MCM9: variants seen among roughly 807,000 people sequenced by gnomAD.
The protein encoded by MCM9 is minichromosome maintenance 9 homologous recombination repair factor, also known as DNA helicase MCM9.
Under a neutral mutation model 72.8 loss-of-function variants are expected in MCM9, and 55 were observed. The observed-to-expected ratio is 0.76, with a 90% CI of 0.61 to 0.95. The LOEUF is 0.95. Among genes scored for constraint, MCM9 ranks in the 40% least tolerant of loss-of-function variants. The pLI is 0.00. For missense variants in MCM9, 1,279 were observed against 1,377.0 expected (o/e 0.93, Z 1.13); for synonymous variants, 480 against 503.4 (o/e 0.95, Z 0.62).
chr6:118,826,418 T>C lies in MCM9; in HGVS notation c.1816-126A>G, dbSNP rs887986815. On this transcript the variant is annotated intron_variant, in intron 12 of 13. Transcript: ENST00000619706. The stretch of plus-strand genomic sequence containing the variant: ...TACACCCCTATACTGGGTATGAAAA[T>C]CACTTGGGAGGCTTTTTCAACTTTC... 13 of 965,182 alleles carry C rather than the reference T, an allele frequency of 1.3e-5. No individual in the cohort carries two copies. The African/African-American group carries it at 2.2e-4, about 16-fold the overall frequency. 59.8% of individuals were successfully genotyped at this position (965,182 alleles called of 1,614,324 possible). A position where few individuals can be genotyped will look rare whatever the true frequency, so the allele number is the denominator to read the frequency against.
chr6:118,845,121 C>T (rs934315991), intron 9 of MCM9, among the ~76,000 whole-genome samples: 3 of 151,700 alleles, frequency 2.0e-5, no homozygotes, highest in Non-Finnish European at 4.4e-5. Context: ...GCATTTGAAA[C>T]GGAGACAGGA....
In MCM9 at chr6:118,913,310, C is replaced by G; in HGVS notation, c.1015G>C (p.Gly339Arg). 6.2e-7 allele frequency: 1 copy of G among 1,614,108 alleles called. No homozygotes were observed. Among genetic ancestry groups the G allele is most frequent in the Non-Finnish European group, 8.5e-7 (1 of 1,180,002 alleles). ...AGGIQRTDATGTRVRGESHLL... is the reference protein window; with the variant it reads ...AGGIQRTDATRTRVRGESHLL... ...AGGTACTAACCTCTGACCCGTGTTCCTGTAGCATCAGTCCTTTGAATCCCA... is the reference window on the plus strand; with the variant it reads ...AGGTACTAACCTCTGACCCGTGTTCGTGTAGCATCAGTCCTTTGAATCCCA... Residue 339 changes from glycine to arginine, a missense_variant, in exon 7 of 14, where the codon GGA (glycine) becomes CGA (arginine). By Grantham distance (125) the Gly-to-Arg change is moderately radical. Coordinates refer to ENST00000619706, the MANE Select transcript of MCM9 (RefSeq NM_017696.3).
At chr6:118,900,286 GATT>G (rs1334778302) in intron 8 of MCM9, among the ~76,000 whole-genome samples, 4 of 152,180 alleles carry the variant, frequency 2.6e-5, no homozygotes, top group African/African-American at 9.7e-5. Flanking sequence ...GGAGCTCTGT[GATT>G]ATTTGGATCT....
chr6:118,900,504 C>T (rs1779737067), intron 8 of MCM9, among the ~76,000 whole-genome samples: 1 of 152,204 alleles, frequency 6.6e-6, no homozygotes, highest in Admixed American at 6.5e-5. Flanking sequence ...TACAGCATTT[C>T]CCAAGTGTTT....
In MCM9 at chr6:118,856,490, T is replaced by G. The variant is rs1010662945; in HGVS notation, c.1206A>C (p.Ala402=). The part of the protein sequence containing the change: ...DSGEWNLEAG[A]LVLADAGLCC... Reference sequence around the variant, plus strand: ...AAAGGCCCGCATCTGCAAGAACTAATGCCCCAGCCTCCAAATTCCATTCTC... The same window carrying G: ...AAAGGCCCGCATCTGCAAGAACTAAGGCCCCAGCCTCCAAATTCCATTCTC... The change falls in exon 9 of 14, where the codon GCA becomes GCC. Residue 402 remains alanine (A), a synonymous_variant. Transcript: ENST00000619706. The G allele has an allele frequency of 6.5e-7, 1 of 1,535,538 alleles. No individual in the cohort carries two copies. Among genetic ancestry groups the G allele is most frequent in the Non-Finnish European group, 8.7e-7 (1 of 1,146,888 alleles).
chr6:118,833,899 T>G (rs535749599), intron 9 of MCM9, among the ~76,000 whole-genome samples: 2 of 152,296 alleles, frequency 1.3e-5, no homozygotes, highest in South Asian at 4.1e-4. Flanking sequence ...TATTATACCT[T>G]AAGTTCTGGG....
At position 118,934,942 on chromosome 6, in the gene MCM9, CAG is replaced by C. The variant is rs200254101; in HGVS notation, c.-203_-202del. The stretch of plus-strand genomic sequence containing the variant: ...GCGTTGCTCCCGAGGCCGAAGGGCC[CAG>C]AGAGCTCCAGCCAGGCAGCGGGTTC... On this transcript the variant is annotated 5_prime_UTR_variant, in exon 1 of 14. Transcript: ENST00000619706. 582 of 152,352 alleles carry C rather than the reference CAG, an allele frequency of 3.8e-3. 5 individuals carry two copies. Among genetic ancestry groups the C allele is most frequent in the African/African-American group, 0.013 (555 of 41,588 alleles). 9.4% of individuals were successfully genotyped at this position (152,352 alleles called of 1,614,324 possible). A position where few individuals can be genotyped will look rare whatever the true frequency, so the allele number is the denominator to read the frequency against.
chr6:118,844,622 G>A (rs1469471494), intron 9 of MCM9, among the ~76,000 whole-genome samples: 1 of 151,752 alleles, frequency 6.6e-6, no homozygotes, highest in African/African-American at 2.4e-5. Context: ...GATCTTGGCA[G>A]AAACTGTAAA....
chr6:118,863,218 A>G (rs2114255434), intron 8 of MCM9, among the ~76,000 whole-genome samples: 2 of 152,340 alleles, frequency 1.3e-5, no homozygotes, highest in South Asian at 4.1e-4. Context: ...AGTGAAATGA[A>G]TGAGATGAAA....
intron 9 of MCM9, among the ~76,000 whole-genome samples, chr6:118,836,799 A>C (rs1774989745): frequency 6.6e-6 from 1 of 152,004 alleles, no homozygotes; most frequent in African/African-American, 2.4e-5. Context: ...GAGCTCCTCG[A>C]TTCACTGATT....
At chr6:118,839,049 T>C (rs1291765282) in intron 9 of MCM9, among the ~76,000 whole-genome samples, 1 of 152,192 alleles carries the variant, frequency 6.6e-6, no homozygotes, top group Non-Finnish European at 1.5e-5. Flanking sequence ...CCCTGTCACT[T>C]TCAGGTACAC....
At chr6:118,843,657 T>TATATATATATACAC (rs1378043575) in intron 9 of MCM9, among the ~76,000 whole-genome samples, 2 of 33,848 alleles carry the variant, frequency 5.9e-5, no homozygotes, top group African/African-American at 2.2e-4. Context: ...TATATATATG[T>TATATATATATACAC]GTATATATAT....
chr6:118,883,025 G>C (rs1463050978), intron 8 of MCM9, among the ~76,000 whole-genome samples: 2 of 149,260 alleles, frequency 1.3e-5, no homozygotes, highest in Non-Finnish European at 3.0e-5. Context: ...CAAATGTAGT[G>C]GGCAAAGCCT....
At chr6:118,890,673 C>T (rs181041439) in intron 8 of MCM9, among the ~76,000 whole-genome samples, 512 of 152,192 alleles carry the variant, frequency 3.4e-3, no homozygotes, top group Non-Finnish European at 5.7e-3. Context: ...CATTATTGTA[C>T]AATTTACTCC....
At chr6:118,911,876 C>G (rs1328233871) in intron 7 of MCM9, 107 bp from the exon 8 acceptor site, 1 of 779,146 alleles carries the variant, frequency 1.3e-6, no homozygotes, top group Non-Finnish European at 2.0e-6. Flanking sequence ...TACATAGGGT[C>G]GTTTGAGAAA....
chr6:118,893,960 C>CCTCCGCCCCT (rs1484056110), intron 8 of MCM9: 3 of 964,660 alleles, frequency 3.1e-6, no homozygotes, highest in Non-Finnish European at 3.7e-6. Flanking sequence ...GGCCACGCCC[C>CCTCCGCCCCT]CTCCGCCCCT....
intron 13 of MCM9, among the ~76,000 whole-genome samples, chr6:118,823,970 T>G (rs1436929541): frequency 6.7e-6 from 1 of 149,748 alleles, no homozygotes; most frequent in Non-Finnish European, 1.5e-5. Context: ...CCCCCAAAAT[T>G]ATTGTAAACA....
Position 118,868,260 on chromosome 6 carries a change from A to T in MCM9, c.1151-11715T>A, listed in dbSNP as rs142989568. Reference sequence around the variant, plus strand: ...TTTAAGGAATGCAAATTATAAAAAGACAAAGTATGACATCAAAAATACAAA... The same window carrying T: ...TTTAAGGAATGCAAATTATAAAAAGTCAAAGTATGACATCAAAAATACAAA... On this transcript the variant is annotated intron_variant, in intron 8 of 13. Transcript: ENST00000619706. Among the ~76,000 whole-genome samples, 223 of 152,350 alleles carry T rather than the reference A, an allele frequency of 1.5e-3. 1 individual carries two copies. Among genetic ancestry groups the T allele is most frequent in the African/African-American group, 5.1e-3 (212 of 41,580 alleles).
intron 9 of MCM9, among the ~76,000 whole-genome samples, chr6:118,834,697 G>A (rs544650941): frequency 5.9e-5 from 9 of 151,610 alleles, no homozygotes; most frequent in East Asian, 5.8e-4. Context: ...ACTTTTTGAT[G>A]TGGTTTTTTT....
Sources: gnomAD v4.1 joint callset for allele counts (sites outside exome capture counted in the v4.1 genomes callset) on GRCh38, gnomAD v4.1.1 for gene constraint, MANE v1.5 for transcripts, NCBI Gene and HGNC (gene_info 2026-07-23, HGNC 2026-07-21) for gene names.